The following AIMP2 variants were observed in gnomAD, a reference collection of about 807,000 sequenced individuals.
AIMP2 encodes aminoacyl tRNA synthetase complex interacting multifunctional protein 2, also known as aminoacyl tRNA synthase complex-interacting multifunctional protein 2.
Under a neutral mutation model 23.4 loss-of-function variants are expected in AIMP2, and 20 were observed. The observed-to-expected ratio is 0.85, with a 90% confidence interval of 0.60 to 1.24. The LOEUF (loss-of-function observed/expected upper bound fraction) is 1.24. AIMP2 is among the 50% of genes most tolerant of loss of function. The pLI is 0.00. For synonymous variants in AIMP2, 210 were observed against 170.4 expected (o/e 1.23, Z -1.81); for missense variants, 515 against 414.5 (o/e 1.24, Z -2.10).
chr7:6,011,998 A>T (rs1253609378), intron 1 of AIMP2, among the ~76,000 whole-genome samples: 1 of 152,218 alleles, frequency 6.6e-6, no homozygotes. Context: ...CACGTCTGTA[A>T]TCCCAGCACT....
chr7:6,021,344 A>C (rs1787400760), intron 3 of AIMP2, among the ~76,000 whole-genome samples: 1 of 151,250 alleles, frequency 6.6e-6, no homozygotes, highest in Admixed American at 6.6e-5. Context: ...ATCTCAAAAA[A>C]AAAAAAAAAA....
chr7:6,019,917 A>G lies in AIMP2; in HGVS notation c.574+1872A>G, dbSNP rs180688205. Among the ~76,000 whole-genome samples the G allele has an allele frequency of 4.6e-3, 704 of 151,550 alleles. 4 individuals carry two copies. Among genetic ancestry groups the G allele is most frequent in the Non-Finnish European group, 7.4e-3 (502 of 67,792 alleles). Reference sequence around the variant, plus strand: ...CGTGCCTGTAGTCCCAGCTACTTGGAAGCCTGAGGCAGGAAAATCGCTTCA... The same window carrying G: ...CGTGCCTGTAGTCCCAGCTACTTGGGAGCCTGAGGCAGGAAAATCGCTTCA... On this transcript the variant is annotated intron_variant, in intron 3 of 3. Transcript: ENST00000223029.
At chr7:6,018,968 T>TACACACAC (rs59354100) in intron 3 of AIMP2, among the ~76,000 whole-genome samples, 14,438 of 150,570 alleles carry the variant, frequency 0.096, 867 homozygotes, top group East Asian at 0.28. Flanking sequence ...TATCAAACCT[T>TACACACAC]ACACACACAC....
chr7:6,021,581 T>C (rs1250840006), intron 3 of AIMP2, among the ~76,000 whole-genome samples: 1 of 151,870 alleles, frequency 6.6e-6, no homozygotes, highest in Non-Finnish European at 1.5e-5. Context: ...AGTTTCAGGG[T>C]ATAGATCTTG....
chr7:6,015,206 C>T lies in AIMP2; in HGVS notation c.196C>T (p.Leu66=). 5 of 1,614,168 alleles carry T rather than the reference C, an allele frequency of 3.1e-6. No homozygotes were observed. The highest frequency in any genetic ancestry group is 4.2e-6 in the Non-Finnish European group (5 of 1,180,038). Residue 66 remains leucine (L), a synonymous_variant, in exon 2 of 4, where the codon CTG becomes TTG. Coordinates refer to ENST00000223029, the MANE Select transcript of AIMP2 (RefSeq NM_006303.4). The part of the protein sequence containing the change: ...ESRQDDILKR[L]YELKAAVDGL... ...CCGCCAAGATGATATTTTAAAACGT[C>T]TGTATGAGTTGAAAGCTGCAGTTGA...
chr7:6,022,546 T>C (rs1787502546), intron 3 of AIMP2: 1 of 152,212 alleles, frequency 6.6e-6, no homozygotes, highest in South Asian at 2.1e-4. Flanking sequence ...ACTGGCCACA[T>C]AGCGATTTGC....
At position 6,015,364 on chromosome 7, in the gene AIMP2, T is replaced by C; in HGVS notation, c.342+12T>C. On this transcript the variant is annotated intron_variant, in intron 2 of 3. Transcript: ENST00000223029. ...CAGTGCTTGGGAAGGTAGGTTCGTT[T>C]TGAAAGCTGAAACGTTAGTAGGTAC... 6.2e-7 allele frequency: 1 copy of C among 1,613,722 alleles called. No individual in the cohort carries two copies. The highest frequency in any genetic ancestry group is 2.2e-5 in the East Asian group (1 of 44,882).
chr7:6,010,033 G>A (rs561734020), intron 1 of AIMP2, among the ~76,000 whole-genome samples: 2 of 139,384 alleles, frequency 1.4e-5, no homozygotes, highest in Non-Finnish European at 3.1e-5. Context: ...TTCACGCCTG[G>A]AGTCTCAGCG....
chr7:6,018,004 G>A lies in AIMP2; in HGVS notation c.533G>A (p.Arg178His), dbSNP rs766723249. The change falls in exon 3 of 4, where the codon CGC becomes CAC. Residue 178 changes from arginine (R) to histidine (H), a missense_variant. Transcript: ENST00000223029. Reference protein sequence around the residue: ...CFGEQNKKQPRQDYQLGFTLI... With the variant: ...CFGEQNKKQPHQDYQLGFTLI... Reference sequence around the variant, plus strand: ...GGAGAACAGAATAAAAAACAGCCCCGCCAAGACTATCAGCTGGGATTCACT... The same window carrying A: ...GGAGAACAGAATAAAAAACAGCCCCACCAAGACTATCAGCTGGGATTCACT... 12 of 1,613,938 alleles carry A rather than the reference G, an allele frequency of 7.4e-6. No individual in the cohort carries two copies. Among genetic ancestry groups the A allele is most frequent in the South Asian group, 1.1e-5 (1 of 91,060 alleles).
intron 3 of AIMP2, chr7:6,023,001 G>A: frequency 3.4e-6 from 1 of 293,004 alleles, no homozygotes. Flanking sequence ...CCAGCCCTCA[G>A]CCCCCAAAAC....
intron 3 of AIMP2, among the ~76,000 whole-genome samples, chr7:6,021,408 T>C (rs1248125995): frequency 6.6e-6 from 1 of 151,178 alleles, no homozygotes; most frequent in Non-Finnish European, 1.5e-5. Flanking sequence ...ATTACATCAT[T>C]GAAGAGGCCA....
intron 1 of AIMP2, 28 bp downstream of exon 1, chr7:6,009,526 G>A: frequency 7.0e-7 from 1 of 1,423,954 alleles, no homozygotes; most frequent in African/African-American, 1.5e-5. Context: ...CCCGCCCAGT[G>A]CGCACGCGCG....
At chr7:6,017,248 G>T (rs1000790886) in intron 2 of AIMP2, among the ~76,000 whole-genome samples, 2 of 152,056 alleles carry the variant, frequency 1.3e-5, no homozygotes, top group African/African-American at 4.8e-5. Context: ...AGGCACCATG[G>T]CTCCCATCTG....
intron 1 of AIMP2, among the ~76,000 whole-genome samples, chr7:6,013,970 C>T (rs1583450719): frequency 6.7e-6 from 1 of 150,034 alleles, no homozygotes; most frequent in Admixed American, 6.7e-5. Flanking sequence ...AAAAAAAAGA[C>T]AAGAAAATGA....
At chr7:6,009,982 T>C (rs77137704) in intron 1 of AIMP2, among the ~76,000 whole-genome samples, 1,168 of 75,094 alleles carry the variant, frequency 0.016, 123 homozygotes, top group Non-Finnish European at 0.023. Flanking sequence ...AAAATATATA[T>C]ATATATATAT....
At chr7:6,010,320 C>T (rs1272474908) in intron 1 of AIMP2, among the ~76,000 whole-genome samples, 1 of 152,024 alleles carries the variant, frequency 6.6e-6, no homozygotes, top group Non-Finnish European at 1.5e-5. Context: ...GTCACCACTC[C>T]ATTCTTTCCA....
At chr7:6,021,338 CAAAAAAAA>C (rs563523048) in intron 3 of AIMP2, among the ~76,000 whole-genome samples, 3 of 65,956 alleles carry the variant, frequency 4.5e-5, no homozygotes, top group Non-Finnish European at 8.7e-5. Flanking sequence ...GACTCCATCT[CAAAAAAAA>C]AAAAAAAAAA....
Position 6,023,568 on chromosome 7 carries a change from G to A in AIMP2, c.840G>A (p.Val280=), listed in dbSNP as rs1787618116. 6.2e-7 allele frequency: 1 copy of A among 1,614,236 alleles called. No homozygotes were observed. Among genetic ancestry groups the A allele is most frequent in the African/African-American group, 1.3e-5 (1 of 75,058 alleles). The change falls in exon 4 of 4, where the codon GTG becomes GTA. Residue 280 remains valine, a synonymous_variant. Transcript: ENST00000223029. ...AGNELTVADV[V]LWSVLQQIGG... ...ATGAACTCACCGTAGCAGACGTGGT[G>A]CTGTGGTCTGTACTCCAGCAGATCG...
At chr7:6,016,041 G>A (rs1366068504) in intron 2 of AIMP2, among the ~76,000 whole-genome samples, 1 of 152,160 alleles carries the variant, frequency 6.6e-6, no homozygotes, top group Non-Finnish European at 1.5e-5. Context: ...GAGGCAGCCC[G>A]GACTCTCTCT....
Sources: gnomAD v4.1 joint callset for allele counts (sites outside exome capture counted in the v4.1 genomes callset) on GRCh38, gnomAD v4.1.1 for gene constraint, MANE v1.5 for transcripts, NCBI Gene and HGNC (gene_info 2026-07-23, HGNC 2026-07-21) for gene names.